Variants in ZNF536 observed in about 807,000 individuals in gnomAD.
ZNF536 encodes zinc finger protein 536.
ZNF536 carries 13 observed loss-of-function variants against 84.5 expected under a neutral mutation model. That is an observed-to-expected ratio of 0.15 (90% CI 0.10 to 0.24). The LOEUF is 0.24. ZNF536 is among the 10% of genes least tolerant of loss of function. ZNF536 has a pLI of 1.00. For missense variants in ZNF536, 1,536 were observed against 1,747.5 expected (o/e 0.88, Z 2.16); for synonymous variants, 811 against 742.5 (o/e 1.09, Z -1.50).
chr19:30,384,116 C>CG (rs1414298765), intron 1 of ZNF536, among the ~76,000 whole-genome samples: 8 of 63,812 alleles, frequency 1.3e-4, no homozygotes, highest in African/African-American at 5.2e-4. Context: ...TTCTTTCTTT[C>CG]TTTCTTTCTT....
chr19:30,292,731 T>C (rs865964926), intron 2 of ZNF536, among the ~76,000 whole-genome samples: 8 of 152,050 alleles, frequency 5.3e-5, no homozygotes, highest in South Asian at 2.1e-4. Flanking sequence ...AGGAAGCCAA[T>C]TGAGGGAGAG....
intron 1 of ZNF536, among the ~76,000 whole-genome samples, chr19:30,281,653 G>A (rs1012062087): frequency 1.3e-5 from 2 of 152,292 alleles, no homozygotes; most frequent in African/African-American, 2.4e-5. Flanking sequence ...AGGGCTGCGT[G>A]GGAGCCTTAT....
intron 3 of ZNF536, among the ~76,000 whole-genome samples, chr19:30,544,785 AG>A (rs1162203623): frequency 6.6e-6 from 1 of 152,222 alleles, no homozygotes; most frequent in Non-Finnish European, 1.5e-5. Flanking sequence ...GGCTCTATTC[AG>A]GAGACTTAGT....
intron 2 of ZNF536, among the ~76,000 whole-genome samples, chr19:30,509,669 T>A (rs1775402728): frequency 6.6e-6 from 1 of 152,124 alleles, no homozygotes; most frequent in Admixed American, 6.6e-5. Context: ...ATCCTTTTTT[T>A]GTGGCAAGAG....
At chr19:30,352,699 CATGGGGGAG>C (rs1194144950) in intron 3 of ZNF536, among the ~76,000 whole-genome samples, 3 of 152,146 alleles carry the variant, frequency 2.0e-5, no homozygotes, top group Admixed American at 2.0e-4. Context: ...GGCCTTTCCC[CATGGGGGAG>C]GTATTCCTTT....
chr19:30,647,201 T>C (rs566343496), intron 1 of ZNF536, among the ~76,000 whole-genome samples: 5 of 152,226 alleles, frequency 3.3e-5, no homozygotes, highest in Non-Finnish European at 4.4e-5. Flanking sequence ...AATTAAATCA[T>C]AACTTTCCCT....
chr19:30,528,148 CAG>C (rs1280486176), intron 2 of ZNF536, among the ~76,000 whole-genome samples: 2 of 152,166 alleles, frequency 1.3e-5, no homozygotes, highest in African/African-American at 2.4e-5. Context: ...AGGGTGTTCA[CAG>C]AGTTAGTCAC....
intron 2 of ZNF536, among the ~76,000 whole-genome samples, chr19:30,483,164 G>A (rs2054156580): frequency 6.6e-6 from 1 of 152,104 alleles, no homozygotes. Flanking sequence ...TTGACAATTT[G>A]TTTTCTCCTG....
At chr19:30,637,252 C>T (rs1413190835) in intron 1 of ZNF536, among the ~76,000 whole-genome samples, 1 of 152,168 alleles carries the variant, frequency 6.6e-6, no homozygotes, top group Non-Finnish European at 1.5e-5. Context: ...CTTTTCAACC[C>T]ACCCTAAGAA....
chr19:30,258,875 G>A (rs1169736735), intron 1 of ZNF536, among the ~76,000 whole-genome samples: 3 of 151,724 alleles, frequency 2.0e-5, no homozygotes, highest in African/African-American at 4.8e-5. Context: ...GCACCACCAC[G>A]CCTGGCTAAT....
At chr19:30,388,585 G>A (rs774269723) in intron 1 of ZNF536, among the ~76,000 whole-genome samples, 1 of 152,160 alleles carries the variant, frequency 6.6e-6, no homozygotes, top group Non-Finnish European at 1.5e-5. Flanking sequence ...GCTTGGCAGG[G>A]CTTCTTCAAC....
chr19:30,325,354 C>T (rs1034802261), intron 2 of ZNF536, among the ~76,000 whole-genome samples: 9 of 152,224 alleles, frequency 5.9e-5, no homozygotes, highest in African/African-American at 2.2e-4. Context: ...GGCAAGGCAG[C>T]CGGTGTGGTG....
chr19:30,227,866 G>A (rs890743572), upstream of ZNF536, among the ~76,000 whole-genome samples: 1 of 150,282 alleles, frequency 6.7e-6, no homozygotes, highest in Non-Finnish European at 1.5e-5. Context: ...GTGTAGAGGC[G>A]CGGAGGGGGC....
chr19:30,287,641 G>C (rs2045687302), intron 2 of ZNF536, among the ~76,000 whole-genome samples: 5 of 139,426 alleles, frequency 3.6e-5, no homozygotes, highest in African/African-American at 7.9e-5. Context: ...TGGGTGGGTG[G>C]ATGGATGGGT....
chr19:30,469,954 A>C (rs959676063), intron 2 of ZNF536, among the ~76,000 whole-genome samples: 1 of 152,210 alleles, frequency 6.6e-6, no homozygotes, highest in Non-Finnish European at 1.5e-5. Context: ...ACGGCAAGGA[A>C]GCCAGAGAAA....
intron 1 of ZNF536, among the ~76,000 whole-genome samples, chr19:30,669,824 G>C (rs2050475039): frequency 6.6e-6 from 1 of 152,206 alleles, no homozygotes; most frequent in African/African-American, 2.4e-5. Context: ...CAGGTTAACC[G>C]CTTTGTTCAA....
At chr19:30,387,632 G>C (rs1600512174) in intron 1 of ZNF536, among the ~76,000 whole-genome samples, 1 of 152,220 alleles carries the variant, frequency 6.6e-6, no homozygotes, top group Non-Finnish European at 1.5e-5. Flanking sequence ...TTGAGATAAG[G>C]TCAAATGCTC....
intron 2 of ZNF536, among the ~76,000 whole-genome samples, chr19:30,475,297 C>T (rs929363541): frequency 1.3e-5 from 2 of 152,024 alleles, no homozygotes; most frequent in African/African-American, 4.8e-5. Context: ...TTCTCTTAGC[C>T]CTGTTCCTGT....
At chr19:30,707,255 C>A (rs1040912589) in intron 1 of ZNF536, among the ~76,000 whole-genome samples, 17 of 152,150 alleles carry the variant, frequency 1.1e-4, no homozygotes, top group African/African-American at 4.1e-4. Flanking sequence ...TTTGCCCATC[C>A]CATTGCCTCT....
Sources: allele counts gnomAD v4.1 joint callset (sites outside exome capture counted in the v4.1 genomes callset), GRCh38; gene constraint gnomAD v4.1.1; transcripts MANE v1.5; gene names NCBI Gene and HGNC (gene_info 2026-07-23, HGNC 2026-07-21).